Variants in TENM4 observed in about 807,000 individuals in gnomAD.
TENM4 encodes teneurin-4.
TENM4 carries 82 observed loss-of-function variants against 243.3 expected under a neutral mutation model. The ratio of observed to expected loss-of-function variants is 0.34; its 90% CI spans 0.28 to 0.40. TENM4 has a LOEUF of 0.40. Ranked by LOEUF, TENM4 falls within the 10% of genes least tolerant of loss-of-function variation. The pLI, the probability that TENM4 is intolerant of heterozygous loss-of-function variation, is 1.00. For synonymous variants in TENM4, 1,412 were observed against 1,456.3 expected (o/e 0.97, Z 0.69); for missense variants, 3,138 against 3,673.3 (o/e 0.85, Z 3.77).
intron 3 of TENM4, among the ~76,000 whole-genome samples, chr11:79,203,918 T>G (rs1422691435): frequency 2.6e-5 from 4 of 152,194 alleles, no homozygotes; most frequent in Admixed American, 2.6e-4. Context: ...TACTAACACA[T>G]ACTACAACCT....
chr11:78,736,479 T>TGTGTGTGTGTGTGCGCGCGCGC (rs796898751), intron 20 of TENM4, among the ~76,000 whole-genome samples: 3 of 99,402 alleles, frequency 3.0e-5, no homozygotes, highest in African/African-American at 8.9e-5. Context: ...TGTGTGTGTG[T>TGTGTGTGTGTGTGCGCGCGCGC]GCGCGCGCGT....
At chr11:79,316,938 A>T (rs1856812655) in intron 1 of TENM4, among the ~76,000 whole-genome samples, 1 of 152,228 alleles carries the variant, frequency 6.6e-6, no homozygotes, top group South Asian at 2.1e-4. Context: ...CAAGAGTAGA[A>T]GTGACTCTGT....
At chr11:78,914,158 G>A (rs1180111934) in intron 6 of TENM4, among the ~76,000 whole-genome samples, 1 of 152,136 alleles carries the variant, frequency 6.6e-6, no homozygotes, top group African/African-American at 2.4e-5. Flanking sequence ...TGTGACTTTG[G>A]GGAAGTCCCT....
At chr11:79,191,608 C>A (rs1191546302) in intron 3 of TENM4, 2 of 175,170 alleles carry the variant, frequency 1.1e-5, no homozygotes, top group Non-Finnish European at 1.2e-5. Flanking sequence ...ATGTGAGGAG[C>A]CCCTCTGCCT....
intron 27 of TENM4, among the ~76,000 whole-genome samples, chr11:78,704,453 A>T (rs1370600630): frequency 1.3e-5 from 2 of 152,070 alleles, no homozygotes; most frequent in African/African-American, 4.8e-5. Context: ...AATGCCCAAC[A>T]ACTGAGAACT....
intron 2 of TENM4, chr11:79,221,256 C>A (rs1448701536): frequency 2.0e-5 from 3 of 152,130 alleles, no homozygotes; most frequent in African/African-American, 7.2e-5. Context: ...TACCCTTCTC[C>A]TGACTCCTGA....
Position 78,658,783 on chromosome 11 carries a change from G to T in TENM4, c.7585C>A (p.Gln2529Lys). Residue 2529 changes from glutamine to lysine, a missense_variant, in exon 34 of 34, where the codon CAG becomes AAG. Around this residue, in one of 2 missense-constraint regions of TENM4, gnomAD observed 2,467 missense variants for 3,059.1 expected, o/e 0.81. Coordinates refer to ENST00000278550, the MANE Select transcript of TENM4 (RefSeq NM_001098816.3). ...TCTAAGGTGACAAAGGCCTTGAGCTGCTTCTGTACTTCACACTGTACCCCG... is the reference window on the plus strand; with the variant it reads ...TCTAAGGTGACAAAGGCCTTGAGCTTCTTCTGTACTTCACACTGTACCCCG... Reference protein sequence around the residue: ...ILGVQCEVQKQLKAFVTLERF... With the variant: ...ILGVQCEVQKKLKAFVTLERF... The T allele has an allele frequency of 6.2e-7, 1 of 1,613,784 alleles. No homozygotes were observed. The highest frequency in any genetic ancestry group is 1.3e-5 in the African/African-American group (1 of 75,048).
intron 2 of TENM4, among the ~76,000 whole-genome samples, chr11:79,262,023 A>G (rs1297675963): frequency 6.6e-6 from 1 of 152,160 alleles, no homozygotes; most frequent in Admixed American, 6.5e-5. Context: ...GGGATAGATT[A>G]CTTTTCTTGA....
intron 11 of TENM4, among the ~76,000 whole-genome samples, chr11:78,855,565 G>A (rs952380009): frequency 3.9e-5 from 6 of 152,158 alleles, no homozygotes; most frequent in Admixed American, 3.9e-4. Flanking sequence ...TATTGTTACC[G>A]GCATCTTATA....
intron 2 of TENM4, among the ~76,000 whole-genome samples, chr11:79,279,559 G>T (rs561899): frequency 0.58 from 88,231 of 151,824 alleles, 27,597 homozygotes; most frequent in African/African-American, 0.82. Flanking sequence ...CAGAGTACCA[G>T]GTCCACACTC....
At chr11:78,955,194 G>A (rs919574636) in intron 6 of TENM4, among the ~76,000 whole-genome samples, 1 of 152,240 alleles carries the variant, frequency 6.6e-6, no homozygotes, top group Non-Finnish European at 1.5e-5. Context: ...CCCTGAGCCT[G>A]TTTCTCACAT....
At chr11:78,862,773 G>A (rs545871439) in intron 10 of TENM4, among the ~76,000 whole-genome samples, 189 bp downstream of exon 10, 2 of 152,318 alleles carry the variant, frequency 1.3e-5, no homozygotes, top group South Asian at 4.1e-4. Flanking sequence ...AACTCTCAGT[G>A]ACAAGGAACT....
chr11:79,349,263 A>G (rs1202051043), intron 1 of TENM4, among the ~76,000 whole-genome samples: 1 of 152,198 alleles, frequency 6.6e-6, no homozygotes, highest in Non-Finnish European at 1.5e-5. Flanking sequence ...TTCCACACCT[A>G]GGAAGTCTCT....
In TENM4 at chr11:79,276,688, G is replaced by C. The variant is rs559235920; in HGVS notation, c.-265+20800C>G. On this transcript the variant is annotated intron_variant, in intron 2 of 33. Transcript: ENST00000278550. ...CCCCTCCAGGACTCTCTACAGCTAG[G>C]TTCCAATGGCCCTGTCATCCTTACA... Among the ~76,000 whole-genome samples the C allele has an allele frequency of 5.9e-5, 9 of 152,208 alleles. No homozygotes were observed. In the South Asian group the frequency reaches 1.9e-3, roughly 32 times the overall value.
chr11:78,923,320 AC>A (rs1476226367), intron 6 of TENM4, among the ~76,000 whole-genome samples: 1 of 152,044 alleles, frequency 6.6e-6, no homozygotes, highest in Non-Finnish European at 1.5e-5. Flanking sequence ...ACGATGAAAG[AC>A]TTTTGCTCTC....
intron 6 of TENM4, among the ~76,000 whole-genome samples, chr11:78,932,856 CAGGAGGCGGAGCTCAGGTGGTAAT>C (rs1856698777): frequency 6.6e-6 from 1 of 152,208 alleles, no homozygotes; most frequent in Non-Finnish European, 1.5e-5. Flanking sequence ...GCTGATCTGA[CAGGAGGCGGAGCTCAGGTGGTAAT>C]GCCTCCTGTC....
chr11:79,010,943 G>C (rs920484214), intron 6 of TENM4, among the ~76,000 whole-genome samples: 1 of 152,116 alleles, frequency 6.6e-6, no homozygotes, highest in Non-Finnish European at 1.5e-5. Context: ...TGTGGGTCCT[G>C]GAGCAAGTTA....
At chr11:78,898,996 T>C (rs1488510796) in intron 7 of TENM4, among the ~76,000 whole-genome samples, 1 of 152,200 alleles carries the variant, frequency 6.6e-6, no homozygotes, top group African/African-American at 2.4e-5. Context: ...TGAGGTGGTG[T>C]GGTGGATTAA....
intron 14 of TENM4, among the ~76,000 whole-genome samples, chr11:78,806,750 T>C (rs1565387088): frequency 6.6e-6 from 1 of 152,210 alleles, no homozygotes; most frequent in Admixed American, 6.5e-5. Flanking sequence ...TACAAGTCAG[T>C]GGTGTTAAGG....
Sources: gnomAD v4.1 joint callset for allele counts (sites outside exome capture counted in the v4.1 genomes callset) on GRCh38, gnomAD v4.1.1 for gene constraint, gnomAD v4.1.1 regional missense constraint, MANE v1.5 for transcripts, NCBI Gene and HGNC (gene_info 2026-07-23, HGNC 2026-07-21) for gene names.